The following ARAP1 variants were observed in gnomAD, a reference collection of about 807,000 sequenced individuals.
ARAP1 encodes the protein ArfGAP with RhoGAP domain, ankyrin repeat and PH domain 1.
ARAP1 carries 76 observed loss-of-function variants against 172.2 expected under a neutral mutation model. The ratio of observed to expected loss-of-function variants is 0.44; its 90% CI spans 0.37 to 0.53. ARAP1 has a LOEUF of 0.53. Ranked by LOEUF, ARAP1 falls within the 20% of genes least tolerant of loss-of-function variation. The probability of loss-of-function intolerance (pLI) is 0.00; values close to 1 mark genes in which losing one functional copy is unlikely to be tolerated. For missense variants in ARAP1, 1,686 were observed against 1,977.5 expected, an observed-to-expected ratio of 0.85 and a Z score of 2.80; for synonymous variants, 804 against 803.3, an observed-to-expected ratio of 1.00 and a Z score of -0.01.
chr11:72,745,507 C>T (rs1205724310), intron 1 of ARAP1, among the ~76,000 whole-genome samples: 1 of 151,828 alleles, frequency 6.6e-6, no homozygotes, highest in African/African-American at 2.4e-5. Flanking sequence ...CCTGGCCACC[C>T]GAGAGACCAA....
intron 1 of ARAP1, among the ~76,000 whole-genome samples, chr11:72,749,741 G>C (rs1858479755): frequency 6.6e-6 from 1 of 152,084 alleles, no homozygotes; most frequent in Non-Finnish European, 1.5e-5. Flanking sequence ...AATTAGCCAG[G>C]TGTGGTGGCG....
At position 72,693,201 on chromosome 11, in the gene ARAP1, C is replaced by T. The variant is rs930982175; in HGVS notation, c.3954+124G>A. The stretch of plus-strand genomic sequence containing the variant: ...GTCTTGAGAGTCTACAGTTCTCCCC[C>T]ACTGCTGTGCCATCCTGAGAGCCTG... On this transcript the variant is annotated intron_variant, in intron 29 of 34. Coordinates refer to ENST00000393609, the MANE Select transcript of ARAP1 (RefSeq NM_001040118.3). The surrounding 1 kb of genome is among the most constrained non-coding windows in gnomAD (Gnocchi z 4.6). The T allele has an allele frequency of 6.5e-6, 9 of 1,389,520 alleles. No homozygotes were observed. The highest frequency in any genetic ancestry group is 2.4e-5 in the East Asian group (1 of 41,838). 86.1% of individuals were successfully genotyped at this position (1,389,520 alleles called of 1,614,324 possible).
intron 12 of ARAP1, among the ~76,000 whole-genome samples, chr11:72,706,653 T>A (rs1311248739): frequency 6.6e-6 from 1 of 152,036 alleles, no homozygotes; most frequent in Non-Finnish European, 1.5e-5. Context: ...TTCCTCCTCC[T>A]CCCTCTCCTG....
In ARAP1 at chr11:72,712,344, CGA is replaced by C; in HGVS notation, c.879-7_879-6del. 1.3e-6 allele frequency: 2 copies of C among 1,542,360 alleles called. No individual in the cohort carries two copies. Among genetic ancestry groups the C allele is most frequent in the Non-Finnish European group, 1.8e-6 (2 of 1,139,308 alleles). Reference sequence around the variant, plus strand: ...CTGCTGGTATGCCATCCGCCACTAGCGAGAGATGAGGGGATGGGGGGCCGGGC... The same window carrying C: ...CTGCTGGTATGCCATCCGCCACTAGCGAGATGAGGGGATGGGGGGCCGGGC... On this transcript the variant is annotated splice_region_variant and splice_polypyrimidine_tract_variant and intron_variant, in intron 6 of 34. Coordinates refer to ENST00000393609, the MANE Select transcript of ARAP1 (RefSeq NM_001040118.3).
chr11:72,695,009 C>G lies in ARAP1; in HGVS notation c.3665G>C (p.Cys1222Ser). Residue 1222 changes from cysteine (C) to serine (S), a missense_variant, in exon 27 of 35, where the codon TGC (cysteine) becomes TCC (serine). Around this residue, in one of 5 missense-constraint regions of ARAP1, gnomAD observed 379 missense variants for 500.1 expected, o/e 0.76. Coordinates refer to ENST00000393609, the MANE Select transcript of ARAP1 (RefSeq NM_001040118.3). The surrounding 1 kb of genome is among the most constrained non-coding windows in gnomAD (Gnocchi z 4.4). ...CTCCTCCCTCTCGTTGACCTCAAAG[C>G]AGGTCCAATAGTCCTTCTCCCTGAT... Reference protein sequence around the residue: ...VGIREKDYWTCFEVNEREEAE... With the variant: ...VGIREKDYWTSFEVNEREEAE... The G allele has an allele frequency of 6.2e-7, 1 of 1,614,160 alleles. No individual in the cohort carries two copies.
chr11:72,688,593 C>T (rs747790972), intron 30 of ARAP1, 56 bp from the exon 31 acceptor site: 10 of 1,468,048 alleles, frequency 6.8e-6, no homozygotes, highest in South Asian at 5.9e-5. Flanking sequence ...GCACTGGGGC[C>T]GCTCTCCCGA....
In ARAP1 at chr11:72,714,883, A is replaced by G. The variant is rs186325395; in HGVS notation, c.510-562T>C. On this transcript the variant is annotated intron_variant, in intron 3 of 34. Coordinates refer to ENST00000393609, the MANE Select transcript of ARAP1 (RefSeq NM_001040118.3). The stretch of plus-strand genomic sequence containing the variant: ...AGACTCCTCAAACTCACCTGATCCC[A>G]CCAGACCCATCTCCCACACCTCTGC... 5.2e-3 allele frequency among the ~76,000 whole-genome samples: 791 copies of G among 152,114 alleles called. 23 individuals carry two copies. The highest frequency in any genetic ancestry group is 1.2e-3 in the Non-Finnish European group (82 of 67,978).
intron 1 of ARAP1, among the ~76,000 whole-genome samples, chr11:72,738,702 C>T (rs1858110638): frequency 1.3e-5 from 2 of 152,058 alleles, no homozygotes; most frequent in African/African-American, 2.4e-5. Context: ...AGAACATACA[C>T]AGCCAGCTCT....
In ARAP1 at chr11:72,726,791, G is replaced by A. The variant is rs1392241520; in HGVS notation, c.338C>T (p.Ala113Val). Residue 113 changes from alanine (A) to valine (V), a missense_variant, in exon 3 of 35, where the codon GCT becomes GTT. By Grantham distance (64) the Ala-to-Val change is moderately conservative. Coordinates refer to ENST00000393609, the MANE Select transcript of ARAP1 (RefSeq NM_001040118.3). This position sits in a 1 kb window ranked among gnomAD's most constrained non-coding sequence, Gnocchi z 6.5. ...CCTCCGGGGCGGGATGGGTGGGGCA[G>A]CGGGGAGCCCCTCATCCTCTGTAGT... is the stretch of plus-strand genomic sequence containing the variant. ...PTTTEDEGLP[A>V]APPIPPRRSC... The A allele has an allele frequency of 3.2e-6, 5 of 1,551,902 alleles. No homozygotes were observed. In the Admixed American group the frequency reaches 7.8e-5, roughly 24 times the overall value.
At chr11:72,692,976 A>G (rs1856005931) in intron 29 of ARAP1, 191 bp from the exon 30 acceptor site, 2 of 723,840 alleles carry the variant, frequency 2.8e-6, no homozygotes, top group Non-Finnish European at 2.4e-6. Flanking sequence ...CCCGGGAGGC[A>G]TATGACATAC....
At chr11:72,698,395 C>A (rs1369574944) in intron 18 of ARAP1, among the ~76,000 whole-genome samples, 2 of 152,244 alleles carry the variant, frequency 1.3e-5, no homozygotes, top group African/African-American at 4.8e-5. Context: ...ACTGGTTACA[C>A]TGCTGCTGCC....
At chr11:72,738,776 C>T (rs1223726408) in intron 1 of ARAP1, among the ~76,000 whole-genome samples, 2 of 152,148 alleles carry the variant, frequency 1.3e-5, no homozygotes, top group Admixed American at 6.5e-5. Flanking sequence ...CACACTACCT[C>T]AAGGGCCACA....
At chr11:72,737,902 G>A (rs1858080877) in intron 1 of ARAP1, among the ~76,000 whole-genome samples, 2 of 152,194 alleles carry the variant, frequency 1.3e-5, no homozygotes, top group Non-Finnish European at 1.5e-5. Flanking sequence ...GGGAGTACAG[G>A]CGTGAGCCAC....
Position 72,726,913 on chromosome 11 carries a change from G to T in ARAP1, c.216C>A (p.Ala72=). The T allele has an allele frequency of 6.3e-7, 1 of 1,588,536 alleles. No homozygotes were observed. Among genetic ancestry groups the T allele is most frequent in the Non-Finnish European group, 8.6e-7 (1 of 1,167,556 alleles). ...GCCGTGGGGTGGGGCGGGGTGCAGGGGCCGGTGAGGTATGGGCACGGAGCA... is the reference window on the plus strand; with the variant it reads ...GCCGTGGGGTGGGGCGGGGTGCAGGTGCCGGTGAGGTATGGGCACGGAGCA... ...AGLLRAHTSP[A]PAPRPTPRPV... Residue 72 remains alanine (A), a synonymous_variant, in exon 3 of 35, where the codon GCC becomes GCA. Transcript: ENST00000393609. The surrounding 1 kb of genome is among the most constrained non-coding windows in gnomAD (Gnocchi z 6.5).
intron 1 of ARAP1, among the ~76,000 whole-genome samples, chr11:72,738,798 G>A (rs1858113604): frequency 6.6e-6 from 1 of 151,994 alleles, no homozygotes; most frequent in South Asian, 2.1e-4. Flanking sequence ...ATCTCCCAGG[G>A]CCACACACAC....
At chr11:72,723,611 G>A (rs1857596585) in intron 3 of ARAP1, among the ~76,000 whole-genome samples, 1 of 152,202 alleles carries the variant, frequency 6.6e-6, no homozygotes, top group African/African-American at 2.4e-5. Context: ...GGGAGCTGGG[G>A]CGGTGAGCTC....
intron 1 of ARAP1, among the ~76,000 whole-genome samples, chr11:72,740,798 T>C (rs1858172449): frequency 2.0e-5 from 3 of 152,108 alleles, no homozygotes; most frequent in Admixed American, 2.0e-4. Context: ...CTGAGGCTCA[T>C]TAATAAACTC....
At chr11:72,711,360 C>T in intron 8 of ARAP1, 70 bp downstream of exon 8, 1 of 1,555,110 alleles carries the variant, frequency 6.4e-7, no homozygotes, top group Admixed American at 1.7e-5. Context: ...GGAGGGACGC[C>T]ACCTCGCTCC....
At chr11:72,692,992 G>C (rs1171291057) in intron 29 of ARAP1, 7 of 673,036 alleles carry the variant, frequency 1.0e-5, no homozygotes, top group Non-Finnish European at 1.8e-5. Flanking sequence ...CATACGATAT[G>C]ACAAGGCATG....
Sources: gnomAD v4.1 joint callset for allele counts (sites outside exome capture counted in the v4.1 genomes callset) on GRCh38, gnomAD v4.1.1 for gene constraint, gnomAD v4.1.1 regional missense constraint, Gnocchi (gnomAD v3.1) non-coding constraint, MANE v1.5 for transcripts, NCBI Gene and HGNC (gene_info 2026-07-23, HGNC 2026-07-21) for gene names.